The following CFAP221 variants were observed in gnomAD, a reference collection of about 807,000 sequenced individuals.
CFAP221 encodes the protein cilia and flagella associated protein 221, also known as cilia- and flagella-associated protein 221.
Under a neutral mutation model 113.1 loss-of-function variants are expected in CFAP221, and 97 were observed. The observed-to-expected ratio is 0.86, with a 90% CI of 0.73 to 1.02. The LOEUF is 1.02. Among genes scored for constraint, CFAP221 ranks in the 50% least tolerant of loss-of-function variants. The probability of loss-of-function intolerance (pLI) is 0.00; values close to 1 mark genes in which losing one functional copy is unlikely to be tolerated. For synonymous variants in CFAP221, 331 were observed against 354.4 expected (o/e 0.93, Z 0.74); for missense variants, 1,025 against 1,013.4 (o/e 1.01, Z -0.16).
At chr2:119,643,945 G>C (rs1002823230) in intron 21 of CFAP221, among the ~76,000 whole-genome samples, 2 of 151,498 alleles carry the variant, frequency 1.3e-5, no homozygotes, top group African/African-American at 4.8e-5. Context: ...TTGAGGTCAG[G>C]AGTTCAAGAC....
At chr2:119,597,485 C>T (rs1226511822) in intron 7 of CFAP221, among the ~76,000 whole-genome samples, 1 of 152,116 alleles carries the variant, frequency 6.6e-6, no homozygotes, top group Non-Finnish European at 1.5e-5. Flanking sequence ...TTTGAGAGAT[C>T]GAGTTGTTTA....
chr2:119,598,709 C>T (rs1377728223), intron 7 of CFAP221, among the ~76,000 whole-genome samples: 1 of 152,196 alleles, frequency 6.6e-6, no homozygotes, highest in Non-Finnish European at 1.5e-5. Flanking sequence ...TTTACAGCTG[C>T]TAACATTTGA....
intron 6 of CFAP221, among the ~76,000 whole-genome samples, chr2:119,562,653 C>A (rs1202003848): frequency 6.6e-6 from 1 of 152,162 alleles, no homozygotes; most frequent in African/African-American, 2.4e-5. Context: ...CTATAGGAGC[C>A]AATGCTCAGA....
chr2:119,598,706 C>G (rs941529744), intron 7 of CFAP221, among the ~76,000 whole-genome samples: 1 of 152,200 alleles, frequency 6.6e-6, no homozygotes, highest in Non-Finnish European at 1.5e-5. Flanking sequence ...CCTTTTACAG[C>G]TGCTAACATT....
intron 1 of CFAP221, among the ~76,000 whole-genome samples, 170 bp downstream of exon 1, chr2:119,544,680 C>A (rs1389892692): frequency 6.6e-6 from 1 of 151,996 alleles, no homozygotes; most frequent in East Asian, 1.9e-4. Flanking sequence ...GTGGGGGGAG[C>A]GGTGCGCGGG....
chr2:119,598,551 G>C (rs1574092525), intron 7 of CFAP221, among the ~76,000 whole-genome samples: 2 of 152,192 alleles, frequency 1.3e-5, no homozygotes, highest in Admixed American at 1.3e-4. Flanking sequence ...GTGGTGATCT[G>C]AAATTGACCA....
intron 7 of CFAP221, among the ~76,000 whole-genome samples, chr2:119,592,918 G>T (rs1185575793): frequency 6.6e-6 from 1 of 152,220 alleles, no homozygotes; most frequent in Non-Finnish European, 1.5e-5. Flanking sequence ...TTGAGGTTAA[G>T]CAGTTCACCA....
At chr2:119,627,814 G>T (rs752125748) in intron 16 of CFAP221, 28 bp downstream of exon 16, 1 of 1,612,040 alleles carries the variant, frequency 6.2e-7, no homozygotes, top group East Asian at 2.2e-5. Flanking sequence ...TGGGGGCGGG[G>T]AGTGGACATG....
rs1411688971 is a variant in CFAP221 at position 119,607,137 on chromosome 2, T to C, written c.1134-1365T>C. Reference sequence around the variant, plus strand: ...CCAAAATGTACTGTATACCTAGTCTTTTTAAAAGTATTTATTTTAAATTTT... The same window carrying C: ...CCAAAATGTACTGTATACCTAGTCTCTTTAAAAGTATTTATTTTAAATTTT... On this transcript the variant is annotated intron_variant, in intron 11 of 23. Transcript: ENST00000413369. Among the ~76,000 whole-genome samples, 3 of 152,204 alleles carry C rather than the reference T, an allele frequency of 2.0e-5. No homozygotes were observed. The East Asian group carries it at 5.8e-4, about 29-fold the overall frequency.
At chr2:119,600,779 C>G (rs773270421) in intron 7 of CFAP221, among the ~76,000 whole-genome samples, 1 of 152,120 alleles carries the variant, frequency 6.6e-6, no homozygotes, top group Non-Finnish European at 1.5e-5. Flanking sequence ...CCTCTTCCAC[C>G]TCTTCTGCCT....
chr2:119,592,084 A>G (rs547931503), intron 7 of CFAP221, among the ~76,000 whole-genome samples: 9 of 152,306 alleles, frequency 5.9e-5, no homozygotes, highest in Admixed American at 2.0e-4. Flanking sequence ...CACTCCAGAA[A>G]TATCATGAAC....
chr2:119,638,825 T>C (rs1334338456), intron 20 of CFAP221, among the ~76,000 whole-genome samples: 8 of 151,814 alleles, frequency 5.3e-5, no homozygotes, highest in Non-Finnish European at 1.0e-4. Flanking sequence ...TCCAAGGAAT[T>C]ACTTCCCCCC....
intron 10 of CFAP221, 43 bp downstream of exon 10, chr2:119,605,030 T>C: frequency 6.4e-7 from 1 of 1,572,506 alleles, no homozygotes; most frequent in Non-Finnish European, 8.7e-7. Flanking sequence ...GAGCAGAATA[T>C]GAAAGAGTCA....
intron 14 of CFAP221, among the ~76,000 whole-genome samples, chr2:119,624,406 T>C (rs1686149150): frequency 6.6e-6 from 1 of 152,200 alleles, no homozygotes; most frequent in African/African-American, 2.4e-5. Flanking sequence ...ATAGGAAAGC[T>C]TTTACACTGT....
intron 23 of CFAP221, among the ~76,000 whole-genome samples, chr2:119,653,697 A>G (rs1324646809): frequency 6.6e-6 from 1 of 152,182 alleles, no homozygotes; most frequent in Non-Finnish European, 1.5e-5. Flanking sequence ...GCGCATTTTA[A>G]GGTTTTAATA....
intron 19 of CFAP221, 38 bp downstream of exon 19, chr2:119,630,939 CCTTT>C: frequency 3.1e-6 from 5 of 1,603,578 alleles, no homozygotes; most frequent in Non-Finnish European, 4.3e-6. Context: ...TTTCTGTGTT[CCTTT>C]ATTTCAGCAA....
At chr2:119,566,442 C>T (rs1160507814) in intron 6 of CFAP221, among the ~76,000 whole-genome samples, 1 of 152,188 alleles carries the variant, frequency 6.6e-6, no homozygotes, top group Non-Finnish European at 1.5e-5. Flanking sequence ...CCTAGCTTGC[C>T]ACTCTCATTT....
intron 3 of CFAP221, among the ~76,000 whole-genome samples, chr2:119,559,198 C>T (rs1373155790): frequency 6.6e-6 from 1 of 152,232 alleles, no homozygotes; most frequent in African/African-American, 2.4e-5. Context: ...ACTTCCTTTT[C>T]ATCTGCCCAG....
intron 12 of CFAP221, among the ~76,000 whole-genome samples, chr2:119,609,308 C>G (rs1433105167): frequency 1.3e-5 from 2 of 152,174 alleles, no homozygotes; most frequent in Admixed American, 6.5e-5. Context: ...GTAGGACTTG[C>G]AGAATGATCA....
Sources: allele counts gnomAD v4.1 joint callset (sites outside exome capture counted in the v4.1 genomes callset), GRCh38; gene constraint gnomAD v4.1.1; transcripts MANE v1.5; gene names NCBI Gene and HGNC (gene_info 2026-07-23, HGNC 2026-07-21).